Variants in COCH observed in about 807,000 individuals in gnomAD.
The protein encoded by COCH is cochlin.
COCH carries 40 observed loss-of-function variants against 54.8 expected under a neutral mutation model. That is an observed-to-expected ratio of 0.73 (90% confidence interval 0.57 to 0.95). The LOEUF is 0.95. Ranked by LOEUF, COCH falls within the 40% of genes least tolerant of loss-of-function variation. The probability of loss-of-function intolerance (pLI) is 0.00; values close to 1 mark genes in which losing one functional copy is unlikely to be tolerated. For missense variants in COCH, 605 were observed against 675.0 expected, an observed-to-expected ratio of 0.90 and a Z score of 1.15; for synonymous variants, 256 against 237.9, an observed-to-expected ratio of 1.08 and a Z score of -0.70.
Position 30,889,949 on chromosome 14 carries a change from C to G in COCH, c.*158C>G. The G allele has an allele frequency of 7.2e-7, 1 of 1,394,586 alleles. No individual in the cohort carries two copies. The highest frequency in any genetic ancestry group is 9.3e-7 in the Non-Finnish European group (1 of 1,075,252). The allele number at this position is 1,394,586 out of a possible 1,614,324, so 86.4% of individuals were successfully genotyped here. ...GCAAATAAGCACTCCTTTAAAGCCGCTGCCTTCTGGTTACAATTTACAGTG... is the reference window on the plus strand; with the variant it reads ...GCAAATAAGCACTCCTTTAAAGCCGGTGCCTTCTGGTTACAATTTACAGTG... On this transcript the variant is annotated 3_prime_UTR_variant, in exon 12 of 12. Transcript: ENST00000396618.
At chr14:30,884,397 C>A (rs1038260226) in intron 8 of COCH, 156 bp from the exon 9 acceptor site, 4 of 620,436 alleles carry the variant, frequency 6.4e-6, no homozygotes, top group Admixed American at 5.5e-5. Flanking sequence ...TCCAATAATT[C>A]AAGTAAGGAT....
Position 30,879,483 on chromosome 14 carries a change from C to A in COCH, c.434C>A (p.Thr145Lys). ...GCAGTGTCCACAGCACATCCACCAA[C>A]AGGTATGAACTATGAAACCTATCTC... ...GQAVSTAHPP[T>K]GKRLKKTPEK... The change falls in exon 6 of 12, where the codon ACA (threonine) becomes AAA (lysine). Residue 145 changes from threonine to lysine, a missense_variant and splice_region_variant. Physicochemically the swap from Thr to Lys is moderately conservative, Grantham distance 78. Transcript: ENST00000396618. The A allele has an allele frequency of 1.2e-6, 2 of 1,614,046 alleles. No individual in the cohort carries two copies. The highest frequency in any genetic ancestry group is 1.7e-6 in the Non-Finnish European group (2 of 1,179,936).
Position 30,877,842 on chromosome 14 carries a change from G to T in COCH, c.239+114G>T, listed in dbSNP as rs1048263369. On this transcript the variant is annotated intron_variant, in intron 4 of 11. Transcript: ENST00000396618. The surrounding 1 kb of genome is among the most constrained non-coding windows in gnomAD (Gnocchi z 8.6). ...CATTCTTTCTTTTGTTGCCATTGTG[G>T]CCACAGAAAATGGATATATTTTCAC... The T allele has an allele frequency of 4.0e-5, 61 of 1,541,334 alleles. No homozygotes were observed. Among genetic ancestry groups the T allele is most frequent in the Non-Finnish European group, 5.2e-5 (59 of 1,138,230 alleles).
chr14:30,895,399 G>C, downstream of COCH: 1 of 1,588,478 alleles, frequency 6.3e-7, no homozygotes, highest in Non-Finnish European at 8.6e-7. Context: ...TACGATGCAA[G>C]TTTTTGTTGA....
At chr14:30,887,961 T>C (rs570314857) in intron 11 of COCH, among the ~76,000 whole-genome samples, 1 of 152,298 alleles carries the variant, frequency 6.6e-6, no homozygotes, top group South Asian at 2.1e-4. Context: ...TTGATTAAAG[T>C]TCAGGAGGCT....
intron 11 of COCH, among the ~76,000 whole-genome samples, chr14:30,888,261 A>AG: frequency 6.6e-6 from 1 of 151,608 alleles, no homozygotes; most frequent in East Asian, 1.9e-4. Flanking sequence ...TTTTTTAACC[A>AG]GGGAGTGAGA....
intron 11 of COCH, among the ~76,000 whole-genome samples, chr14:30,887,868 C>T (rs1895845091): frequency 1.3e-5 from 2 of 152,116 alleles, no homozygotes; most frequent in African/African-American, 4.8e-5. Context: ...GAAGTAAAGA[C>T]CTGTTTACTA....
At chr14:30,885,271 C>A (rs2138873861) in intron 9 of COCH, 123 bp from the exon 10 acceptor site, 1 of 980,136 alleles carries the variant, frequency 1.0e-6, no homozygotes, top group Admixed American at 2.1e-5. Flanking sequence ...TTTTTGTGTG[C>A]CCCGCCCCAC....
downstream of COCH, chr14:30,894,723 G>T (rs986129874): frequency 5.5e-6 from 1 of 182,868 alleles, no homozygotes; most frequent in South Asian, 9.4e-5. Context: ...CAGGGCAACG[G>T]GTCAGTGAGA....
In COCH at chr14:30,881,570, C is replaced by CA. The variant is rs533579463; in HGVS notation, c.629+837dup. ...GGAAGAAGCAGTGATATGTCTATTC[C>CA]ACCTCCCTATTCTGTTATTCTTTTT... On this transcript the variant is annotated intron_variant, in intron 8 of 11. Transcript: ENST00000396618. 2.2e-3 allele frequency among the ~76,000 whole-genome samples: 340 copies of CA among 152,290 alleles called. 2 individuals are homozygous for CA. Among genetic ancestry groups the CA allele is most frequent in the South Asian group, 9.3e-3 (45 of 4,830 alleles).
At position 30,885,910 on chromosome 14, in the gene COCH, A is replaced by G; in HGVS notation, c.1075A>G (p.Ser359Gly). Reference sequence around the variant, plus strand: ...GTGCACTCATGAACAAATGATGTGCAGCAAGACCTGTTATAACTCAGTGAA... The same window carrying G: ...GTGCACTCATGAACAAATGATGTGCGGCAAGACCTGTTATAACTCAGTGAA... ...KLCTHEQMMCSKTCYNSVNIA... is the reference protein window; with the variant it reads ...KLCTHEQMMCGKTCYNSVNIA... Residue 359 changes from serine to glycine, a missense_variant, in exon 11 of 12, where the codon AGC becomes GGC. Ser to Gly is a moderately conservative substitution (Grantham distance 56). Coordinates refer to ENST00000396618, the MANE Select transcript of COCH (RefSeq NM_004086.3). 6.2e-7 allele frequency: 1 copy of G among 1,614,242 alleles called. No homozygotes were observed. Among genetic ancestry groups the G allele is most frequent in the Non-Finnish European group, 8.5e-7 (1 of 1,180,028 alleles).
Position 30,886,169 on chromosome 14 carries a change from C to T in COCH, c.1334C>T (p.Ala445Val). Reference protein sequence around the residue: ...RNIRYMSGGTATGDAISFTVR... With the variant: ...RNIRYMSGGTVTGDAISFTVR... Reference sequence around the variant, plus strand: ...ATCCGCTATATGAGTGGTGGAACAGCTACTGGTGATGCCATTTCCTTCACT... The same window carrying T: ...ATCCGCTATATGAGTGGTGGAACAGTTACTGGTGATGCCATTTCCTTCACT... Residue 445 changes from alanine to valine, a missense_variant, in exon 11 of 12, where the codon GCT becomes GTT. Coordinates refer to ENST00000396618, the MANE Select transcript of COCH (RefSeq NM_004086.3). 4 of 1,610,732 alleles carry T rather than the reference C, an allele frequency of 2.5e-6. No individual in the cohort carries two copies. Among genetic ancestry groups the T allele is most frequent in the Non-Finnish European group, 3.4e-6 (4 of 1,177,380 alleles).
Position 30,885,492 on chromosome 14 carries a change from C to T in COCH, c.832C>T (p.Pro278Ser). The change falls in exon 10 of 12, where the codon CCT becomes TCT. Residue 278 changes from proline to serine, a missense_variant. By Grantham distance (74) the Pro-to-Ser change is moderately conservative. Transcript: ENST00000396618. Reference protein sequence around the residue: ...KVVVVFIDGWPSDDIEEAGIV... With the variant: ...KVVVVFIDGWSSDDIEEAGIV... ...GGTGGTGGTATTTATTGATGGTTGG[C>T]CTTCTGATGACATCGAGGAAGCAGG... 6.2e-7 allele frequency: 1 copy of T among 1,613,554 alleles called. No individual in the cohort carries two copies. Among genetic ancestry groups the T allele is most frequent in the Non-Finnish European group, 8.5e-7 (1 of 1,179,472 alleles).
Position 30,886,186 on chromosome 14 carries a change from T to A in COCH, c.1351T>A (p.Ser451Thr). 6.2e-7 allele frequency: 1 copy of A among 1,610,544 alleles called. No individual in the cohort carries two copies. The highest frequency in any genetic ancestry group is 8.5e-7 in the Non-Finnish European group (1 of 1,177,376). The change falls in exon 11 of 12, where the codon TCC becomes ACC. Residue 451 changes from serine to threonine, a missense_variant. Coordinates refer to ENST00000396618, the MANE Select transcript of COCH (RefSeq NM_004086.3). The stretch of plus-strand genomic sequence containing the variant: ...TGGAACAGCTACTGGTGATGCCATT[T>A]CCTTCACTGTTAGAAATGTGTTTGG... Reference protein sequence around the residue: ...SGGTATGDAISFTVRNVFGPI... With the variant: ...SGGTATGDAITFTVRNVFGPI...
chr14:30,885,386 A>C lies in COCH; in HGVS notation c.734-8A>C. On this transcript the variant is annotated splice_polypyrimidine_tract_variant and splice_region_variant and intron_variant, in intron 9 of 11. Transcript: ENST00000396618. ...AAGGCTATTTGTTTGCTTCTTTTTC[A>C]AATTTAGGAAAAGCCTTGAAGCATA... is the stretch of plus-strand genomic sequence containing the variant. 6.2e-7 allele frequency: 1 copy of C among 1,609,988 alleles called. No homozygotes were observed. Among genetic ancestry groups the C allele is most frequent in the South Asian group, 1.1e-5 (1 of 90,984 alleles).
intron 3 of COCH, 90 bp downstream of exon 3, chr14:30,875,193 T>TAG: frequency 6.6e-7 from 1 of 1,511,482 alleles, no homozygotes; most frequent in Non-Finnish European, 8.9e-7. Context: ...CCCTTGGGCT[T>TAG]CAGCCCTACC....
downstream of COCH, chr14:30,895,221 A>G: frequency 1.6e-6 from 1 of 621,302 alleles, no homozygotes; most frequent in Non-Finnish European, 2.6e-6. Context: ...TTGTCCCACA[A>G]AATACAGTAA....
chr14:30,889,859 T>C lies in COCH; in HGVS notation c.*68T>C. 6.4e-7 allele frequency: 1 copy of C among 1,555,938 alleles called. No individual in the cohort carries two copies. Among genetic ancestry groups the C allele is most frequent in the Non-Finnish European group, 8.7e-7 (1 of 1,149,458 alleles). ...CAGTGTGTAAATTGTATTCTCATAATACTGAAATGCTTTAGCATACTAGAA... is the reference window on the plus strand; with the variant it reads ...CAGTGTGTAAATTGTATTCTCATAACACTGAAATGCTTTAGCATACTAGAA... On this transcript the variant is annotated 3_prime_UTR_variant, in exon 12 of 12. Coordinates refer to ENST00000396618, the MANE Select transcript of COCH (RefSeq NM_004086.3).
At chr14:30,874,819 C>T (rs1052186777) in intron 1 of COCH, 97 bp from the exon 2 acceptor site, 5 of 1,196,416 alleles carry the variant, frequency 4.2e-6, no homozygotes, top group Middle Eastern at 4.1e-4. Context: ...CTCTCCTCTG[C>T]GCCGCGCCCG....
Sources: gnomAD v4.1 joint callset for allele counts (sites outside exome capture counted in the v4.1 genomes callset) on GRCh38, gnomAD v4.1.1 for gene constraint, Gnocchi (gnomAD v3.1) non-coding constraint, MANE v1.5 for transcripts, NCBI Gene and HGNC (gene_info 2026-07-23, HGNC 2026-07-21) for gene names.